Variants in SORCS2 observed in about 807,000 individuals in gnomAD.
SORCS2 encodes sortilin related VPS10 domain containing receptor 2, also known as VPS10 domain-containing receptor SorCS2.
SORCS2 carries 100 observed loss-of-function variants against 141.6 expected under a neutral mutation model. That is an observed-to-expected ratio of 0.71 (90% CI 0.60 to 0.83). The LOEUF is 0.83. Ranked by LOEUF, SORCS2 falls within the 40% of genes least tolerant of loss-of-function variation. SORCS2 has a pLI of 0.00. For synonymous variants in SORCS2, 789 were observed against 676.9 expected, an observed-to-expected ratio of 1.17 and a Z score of -2.57; for missense variants, 1,646 against 1,560.2, an observed-to-expected ratio of 1.05 and a Z score of -0.93.
At chr4:7,439,806 G>A (rs978131690) in intron 2 of SORCS2, among the ~76,000 whole-genome samples, 2 of 152,132 alleles carry the variant, frequency 1.3e-5, no homozygotes, top group African/African-American at 4.8e-5. Flanking sequence ...GCTGGCATGG[G>A]GTGGTTTCCA....
chr4:7,385,756 C>G (rs1723256766), intron 1 of SORCS2, among the ~76,000 whole-genome samples: 1 of 152,216 alleles, frequency 6.6e-6, no homozygotes, highest in South Asian at 2.1e-4. Flanking sequence ...TAACACTGAT[C>G]CAACCTTTGT....
intron 1 of SORCS2, among the ~76,000 whole-genome samples, chr4:7,354,261 C>T (rs1650266741): frequency 6.6e-6 from 1 of 152,168 alleles, no homozygotes; most frequent in Admixed American, 6.5e-5. Context: ...ACACACTCAC[C>T]TCAATGTGAG....
chr4:7,380,759 T>C (rs776025929), intron 1 of SORCS2, among the ~76,000 whole-genome samples: 1 of 152,254 alleles, frequency 6.6e-6, no homozygotes, highest in East Asian at 1.9e-4. Flanking sequence ...TTTCTATTTA[T>C]GGCCGTGATG....
At chr4:7,642,975 G>C (rs28523676) in intron 4 of SORCS2, among the ~76,000 whole-genome samples, 31,676 of 152,152 alleles carry the variant, frequency 0.21, 7,935 homozygotes, top group African/African-American at 0.6. Flanking sequence ...CAGAGTCAAT[G>C]GAGTGGACAC....
In SORCS2 at chr4:7,640,305, AGT is replaced by A. The variant is rs754751583; in HGVS notation, c.813+1819_813+1820del. On this transcript the variant is annotated intron_variant, in intron 4 of 26. Transcript: ENST00000507866. Reference sequence around the variant, plus strand: ...GTGTGTGAGCATGTGAGTCTACATGAGTGTGTGGGTGTGTATGAGCATGTGTG... The same window carrying A: ...GTGTGTGAGCATGTGAGTCTACATGAGTGTGGGTGTGTATGAGCATGTGTG... Among the ~76,000 whole-genome samples, 97 of 131,810 alleles carry A rather than the reference AGT, an allele frequency of 7.4e-4. 1 individual carries two copies. The highest frequency in any genetic ancestry group is 3.8e-4 in the Admixed American group (5 of 13,308). 86.5% of individuals were successfully genotyped at this position (131,810 alleles called of 152,430 possible).
intron 1 of SORCS2, among the ~76,000 whole-genome samples, chr4:7,242,337 G>A (rs769501578): frequency 1.4e-4 from 21 of 152,082 alleles, no homozygotes; most frequent in Admixed American, 1.0e-3. Context: ...TGCAACTACA[G>A]GCATGCACCA....
At chr4:7,688,786 C>T (rs956635755) in intron 10 of SORCS2, among the ~76,000 whole-genome samples, 4 of 152,168 alleles carry the variant, frequency 2.6e-5, no homozygotes, top group Non-Finnish European at 5.9e-5. Flanking sequence ...AGTGGGGTCT[C>T]TCGTGGTGCA....
chr4:7,649,356 G>C (rs1382382791), intron 4 of SORCS2, among the ~76,000 whole-genome samples: 9 of 151,312 alleles, frequency 5.9e-5, no homozygotes, highest in African/African-American at 2.2e-4. Context: ...CAATGGTATC[G>C]GGGGGGCTGT....
At chr4:7,602,752 G>A (rs560525532) in intron 3 of SORCS2, among the ~76,000 whole-genome samples, 2 of 152,194 alleles carry the variant, frequency 1.3e-5, no homozygotes, top group South Asian at 2.1e-4. Context: ...CTTCCCAGAC[G>A]GGGTGGCGGC....
At chr4:7,452,015 C>G (rs1728493046) in intron 2 of SORCS2, among the ~76,000 whole-genome samples, 1 of 152,188 alleles carries the variant, frequency 6.6e-6, no homozygotes, top group African/African-American at 2.4e-5. Context: ...TGTGCCTTCT[C>G]TCCCCAGCTG....
intron 1 of SORCS2, among the ~76,000 whole-genome samples, chr4:7,248,827 G>A (rs980506522): frequency 2.0e-5 from 3 of 152,224 alleles, no homozygotes; most frequent in Non-Finnish European, 4.4e-5. Flanking sequence ...CCTGAGAAAG[G>A]CTGGCTTCTG....
intron 5 of SORCS2, among the ~76,000 whole-genome samples, chr4:7,659,808 G>A (rs1372258557): frequency 6.6e-6 from 1 of 152,152 alleles, no homozygotes; most frequent in Admixed American, 6.5e-5. Context: ...ACTGAGGGTG[G>A]GGCAGCTGTA....
At chr4:7,246,887 T>A (rs1713134338) in intron 1 of SORCS2, among the ~76,000 whole-genome samples, 1 of 152,216 alleles carries the variant, frequency 6.6e-6, no homozygotes, top group South Asian at 2.1e-4. Context: ...CCCCACAGCC[T>A]CCTGCCATCT....
chr4:7,662,778 G>A (rs1270738609), intron 6 of SORCS2, among the ~76,000 whole-genome samples: 1 of 152,134 alleles, frequency 6.6e-6, no homozygotes, highest in Non-Finnish European at 1.5e-5. Context: ...CTCCTGCATG[G>A]CCATGTGGGG....
chr4:7,682,070 G>A (rs1166105119), intron 9 of SORCS2, among the ~76,000 whole-genome samples: 1 of 152,222 alleles, frequency 6.6e-6, no homozygotes, highest in Non-Finnish European at 1.5e-5. Flanking sequence ...TGAACTATGT[G>A]AAGTTGCTGA....
At chr4:7,272,274 T>G (rs1715196134) in intron 1 of SORCS2, among the ~76,000 whole-genome samples, 1 of 152,224 alleles carries the variant, frequency 6.6e-6, no homozygotes, top group African/African-American at 2.4e-5. Flanking sequence ...CTTTGCTGTC[T>G]TCAAAAATTT....
chr4:7,724,310 G>GTGGTGGTGGTGGTGA (rs1726871097), intron 19 of SORCS2, among the ~76,000 whole-genome samples: 1 of 106,684 alleles, frequency 9.4e-6, no homozygotes, highest in African/African-American at 3.5e-5. Context: ...GACAATGGTG[G>GTGGTGGTGGTGGTGA]TGGTGGTGGT....
chr4:7,348,305 G>A (rs1211708846), intron 1 of SORCS2, among the ~76,000 whole-genome samples: 1 of 152,128 alleles, frequency 6.6e-6, no homozygotes, highest in Non-Finnish European at 1.5e-5. Context: ...CATATTGTGC[G>A]AGGAAACTGT....
chr4:7,629,218 C>G (rs1719719945), intron 3 of SORCS2, among the ~76,000 whole-genome samples: 1 of 152,040 alleles, frequency 6.6e-6, no homozygotes, highest in Non-Finnish European at 1.5e-5. Flanking sequence ...ATCGTAACCA[C>G]AAGTGTATAC....
Sources: allele counts gnomAD v4.1 joint callset (sites outside exome capture counted in the v4.1 genomes callset), GRCh38; gene constraint gnomAD v4.1.1; transcripts MANE v1.5; gene names NCBI Gene and HGNC (gene_info 2026-07-23, HGNC 2026-07-21).